Variants in ZEB1 observed in about 807,000 individuals in gnomAD.
The protein encoded by ZEB1 is zinc finger E-box binding homeobox 1.
In ZEB1, 21 loss-of-function variants were observed where a neutral mutation model predicts 84.9. That is an observed-to-expected ratio of 0.25 (90% CI 0.18 to 0.36). The LOEUF is 0.36. Among genes scored for constraint, ZEB1 ranks in the 10% least tolerant of loss-of-function variants. ZEB1 has a pLI of 1.00. For synonymous variants in ZEB1, 420 were observed against 471.1 expected (o/e 0.89, Z 1.41); for missense variants, 1,104 against 1,330.2 (o/e 0.83, Z 2.65).
chr10:31,465,606 A>G (rs1157751094), intron 2 of ZEB1, among the ~76,000 whole-genome samples: 2 of 152,120 alleles, frequency 1.3e-5, no homozygotes, highest in Non-Finnish European at 2.9e-5. Flanking sequence ...ATCAAAATAC[A>G]TTGTTACTAT....
upstream of ZEB1, chr10:31,318,947 C>G (rs757421626): frequency 4.0e-4 from 197 of 496,014 alleles, 1 homozygote; most frequent in Admixed American, 1.8e-3. Context: ...CTACGGTTTC[C>G]CGGCATCCGC....
intron 1 of ZEB1, among the ~76,000 whole-genome samples, chr10:31,447,004 G>C (rs2059874202): frequency 6.6e-6 from 1 of 151,072 alleles, no homozygotes; most frequent in South Asian, 2.1e-4. Flanking sequence ...GTCTAATGTT[G>C]ACAGTGGGGT....
At chr10:31,449,503 C>T (rs1034215697) in intron 1 of ZEB1, among the ~76,000 whole-genome samples, 28 of 152,098 alleles carry the variant, frequency 1.8e-4, no homozygotes, top group African/African-American at 5.3e-4. Flanking sequence ...TCTTTGATTT[C>T]GTGTGGGTTT....
At chr10:31,383,011 C>CAGTA (rs1450151498) in intron 1 of ZEB1, among the ~76,000 whole-genome samples, 5 of 151,686 alleles carry the variant, frequency 3.3e-5, no homozygotes, top group Non-Finnish European at 7.4e-5. Context: ...GGAAATAATG[C>CAGTA]AGTAATACAT....
intron 1 of ZEB1, among the ~76,000 whole-genome samples, chr10:31,431,154 G>T (rs1283621208): frequency 6.6e-6 from 1 of 152,182 alleles, no homozygotes; most frequent in East Asian, 1.9e-4. Context: ...CTGGCAGAGA[G>T]CTTGGGTGTA....
intron 2 of ZEB1, among the ~76,000 whole-genome samples, chr10:31,466,796 A>G (rs1467556410): frequency 6.6e-6 from 1 of 152,234 alleles, no homozygotes; most frequent in Non-Finnish European, 1.5e-5. Context: ...TAGAAAAACA[A>G]TACAAAAGAT....
chr10:31,330,368 T>TA (rs2036489666), intron 1 of ZEB1, among the ~76,000 whole-genome samples: 2 of 152,184 alleles, frequency 1.3e-5, no homozygotes, highest in African/African-American at 4.8e-5. Flanking sequence ...AGTTGGGGTT[T>TA]TCAAGGTTCT....
intron 2 of ZEB1, among the ~76,000 whole-genome samples, chr10:31,488,928 G>C (rs938727238): frequency 6.6e-6 from 1 of 151,212 alleles, no homozygotes; most frequent in Non-Finnish European, 1.5e-5. Context: ...CATTTGAAAA[G>C]AATGTGAATT....
chr10:31,352,171 A>G (rs1311218842), intron 1 of ZEB1, among the ~76,000 whole-genome samples: 1 of 152,126 alleles, frequency 6.6e-6, no homozygotes, highest in African/African-American at 2.4e-5. Flanking sequence ...CCTTATTTTC[A>G]TAAGACTTAG....
intron 1 of ZEB1, among the ~76,000 whole-genome samples, chr10:31,327,728 C>G (rs571616137): frequency 2.0e-5 from 3 of 152,210 alleles, no homozygotes; most frequent in African/African-American, 7.2e-5. Flanking sequence ...TAAATTCTGT[C>G]AGATTATTTT....
chr10:31,351,294 A>C (rs1334409966), intron 1 of ZEB1, among the ~76,000 whole-genome samples: 16 of 152,214 alleles, frequency 1.1e-4, no homozygotes. Context: ...TGGATATAGA[A>C]TCTTTCGTAG....
At chr10:31,424,236 T>C (rs558811092) in intron 1 of ZEB1, among the ~76,000 whole-genome samples, 30 of 152,160 alleles carry the variant, frequency 2.0e-4, no homozygotes, top group Middle Eastern at 3.4e-3. Flanking sequence ...AGTGAGACTA[T>C]AAATTTTTTT....
chr10:31,329,014 C>CGT (rs1589983684), intron 1 of ZEB1, among the ~76,000 whole-genome samples: 1 of 150,554 alleles, frequency 6.6e-6, no homozygotes, highest in East Asian at 1.9e-4. Flanking sequence ...TGTGTGTGTG[C>CGT]GTGTGAACTT....
chr10:31,480,492 G>A (rs1030968114), intron 2 of ZEB1, among the ~76,000 whole-genome samples: 4 of 152,134 alleles, frequency 2.6e-5, no homozygotes, highest in South Asian at 2.1e-4. Flanking sequence ...TCTAGTCTTC[G>A]CTGTACCATC....
At position 31,440,203 on chromosome 10, in the gene ZEB1, G is replaced by A. The variant is rs148494686; in HGVS notation, c.59-20834G>A. Reference sequence around the variant, plus strand: ...GAACAACTGGAGGAATGGAATTGCCGTTTACTGAAATAGAGAAGACTGAGA... The same window carrying A: ...GAACAACTGGAGGAATGGAATTGCCATTTACTGAAATAGAGAAGACTGAGA... On this transcript the variant is annotated intron_variant, in intron 1 of 8. Transcript: ENST00000424869. 5.8e-3 allele frequency among the ~76,000 whole-genome samples: 882 copies of A among 152,186 alleles called. 3 individuals are homozygous for A. The highest frequency in any genetic ancestry group is 9.6e-3 in the Non-Finnish European group (651 of 67,994).
Position 31,502,395 on chromosome 10 carries a change from G to T in ZEB1, c.370G>T (p.Asp124Tyr). 3 of 1,613,818 alleles carry T rather than the reference G, an allele frequency of 1.9e-6. No homozygotes were observed. The highest frequency in any genetic ancestry group is 2.5e-6 in the Non-Finnish European group (3 of 1,179,828). Residue 124 changes from aspartate to tyrosine, a missense_variant, in exon 4 of 9, where the codon GAT becomes TAT. Around this residue, in one of 7 missense-constraint regions of ZEB1, gnomAD observed 162 missense variants for 184.5 expected, o/e 0.88. Transcript: ENST00000424869. ...AGATGCAGAAAATGAGCAAAACCAT[G>T]ATCCTAATGTTGAAGAGTTTCTACA... Reference protein sequence around the residue: ...ESDAENEQNHDPNVEEFLQQQ... With the variant: ...ESDAENEQNHYPNVEEFLQQQ...
intron 1 of ZEB1, chr10:31,363,806 G>T: frequency 7.5e-7 from 1 of 1,330,994 alleles, no homozygotes; most frequent in South Asian, 1.3e-5. Flanking sequence ...GTGTTCCGAG[G>T]GATAAGACAC....
intron 1 of ZEB1, chr10:31,381,826 C>T (rs1202977480): frequency 5.3e-5 from 8 of 152,076 alleles, no homozygotes; most frequent in East Asian, 1.9e-4. Context: ...GCCTGGCCAA[C>T]ATGGTAAAAC....
intron 1 of ZEB1, among the ~76,000 whole-genome samples, chr10:31,394,369 C>T (rs547862157): frequency 1.3e-4 from 20 of 152,240 alleles, no homozygotes; most frequent in South Asian, 8.3e-4. Flanking sequence ...AAGACATTGA[C>T]GCTCAGATTT....
Sources: gnomAD v4.1 joint callset for allele counts (sites outside exome capture counted in the v4.1 genomes callset) on GRCh38, gnomAD v4.1.1 for gene constraint, gnomAD v4.1.1 regional missense constraint, MANE v1.5 for transcripts, NCBI Gene and HGNC (gene_info 2026-07-23, HGNC 2026-07-21) for gene names.